SWI5: variants seen among roughly 807,000 people sequenced by gnomAD.
SWI5 encodes DNA repair protein SWI5 homolog.
A neutral mutation model predicts 17.0 loss-of-function variants in SWI5; 12 were observed. The observed-to-expected ratio is 0.71, with a 90% confidence interval of 0.45 to 1.14. The LOEUF (loss-of-function observed/expected upper bound fraction) is 1.14, where lower values mean the gene tolerates loss of function less well. Ranked by LOEUF, SWI5 falls within the 50% of genes most tolerant of loss-of-function variation. SWI5 has a pLI of 0.00. For missense variants in SWI5, 158 were observed against 162.2 expected, an observed-to-expected ratio of 0.97 and a Z score of 0.14; for synonymous variants, 61 against 64.0, an observed-to-expected ratio of 0.95 and a Z score of 0.22.
In SWI5 at chr9:128,276,726, C is replaced by T. The variant is rs1564371916; in HGVS notation, c.82C>T (p.Arg28Ter). 1 of 1,613,434 alleles carries T rather than the reference C, an allele frequency of 6.2e-7. No individual in the cohort carries two copies. The highest frequency in any genetic ancestry group is 2.2e-5 in the East Asian group (1 of 44,830). The change falls in exon 2 of 5, where the codon CGA becomes TGA. Residue 28 changes from arginine to a stop codon, truncating the protein, a stop_gained. Coordinates refer to ENST00000418976, the Ensembl canonical transcript of SWI5. LOFTEE classifies it high-confidence loss of function. ...CTCTAGGACTGAACCAAGACTTACC[C>T]GAAGTTGCCGCGGGGCCTTCCGATC...
chr9:128,277,576 G>A (rs1267486152), intron 2 of SWI5, among the ~76,000 whole-genome samples: 2 of 152,140 alleles, frequency 1.3e-5, no homozygotes, highest in African/African-American at 4.8e-5. Context: ...AAGTTAGATC[G>A]GGAAAGACTT....
chr9:128,280,310 T>C (rs961939360), intron 2 of SWI5, among the ~76,000 whole-genome samples: 1 of 151,870 alleles, frequency 6.6e-6, no homozygotes, highest in African/African-American at 2.4e-5. Context: ...CCCTGACCTT[T>C]CTTGGGACAC....
In SWI5 at chr9:128,286,037, A is replaced by G. The variant is rs762572083; in HGVS notation, c.328+4A>G. On this transcript the variant is annotated splice_donor_region_variant and intron_variant, in intron 4 of 4. Coordinates refer to ENST00000418976, the Ensembl canonical transcript of SWI5. ...CAGATGCTGATGGGCAAACTAGGTG[A>G]GTAGTTGGGACTCCAGAGCCACAAG... 9.3e-6 allele frequency: 15 copies of G among 1,607,606 alleles called. No individual in the cohort carries two copies. The South Asian group carries it at 1.4e-4, about 15-fold the overall frequency.
intron 2 of SWI5, among the ~76,000 whole-genome samples, chr9:128,281,321 T>G (rs533715050): frequency 3.3e-5 from 5 of 151,924 alleles, no homozygotes; most frequent in African/African-American, 4.8e-5. Flanking sequence ...CAGGTGTGAG[T>G]CACTGCACCT....
At position 128,288,750 on chromosome 9, in the gene SWI5, G is replaced by T. The variant is rs761367588; in HGVS notation, c.*34G>T. 4 of 1,610,776 alleles carry T rather than the reference G, an allele frequency of 2.5e-6. 1 individual carries two copies. The South Asian group carries it at 4.4e-5, about 18-fold the overall frequency. The stretch of plus-strand genomic sequence containing the variant: ...ATCGCCCCTTGTCCACAGCTCCCAG[G>T]GACAGAAGGGTGTGGACATGATAAA... On this transcript the variant is annotated 3_prime_UTR_variant, in exon 5 of 5. Coordinates refer to ENST00000418976, the Ensembl canonical transcript of SWI5.
At chr9:128,276,070 C>A (rs1019786672), upstream of SWI5, 1 of 1,576,304 alleles carries the variant, frequency 6.3e-7, no homozygotes, top group South Asian at 1.1e-5. Flanking sequence ...GATACTGGAG[C>A]GCAGAATGGG....
At chr9:128,276,899 C>T (rs1831409034) in intron 2 of SWI5, 144 bp downstream of exon 2, 2 of 842,414 alleles carry the variant, frequency 2.4e-6, no homozygotes, top group Non-Finnish European at 1.8e-6. Flanking sequence ...ACCGCCAGGT[C>T]ATTCCCGAAT....
upstream of SWI5, among the ~76,000 whole-genome samples, chr9:128,275,671 C>CG: frequency 6.6e-6 from 1 of 151,916 alleles, no homozygotes; most frequent in Non-Finnish European, 1.5e-5. Context: ...CGGGGAGCCC[C>CG]GGGAGCACCA....
Position 128,276,614 on chromosome 9 carries a change from T to C in SWI5, c.63-93T>C, listed in dbSNP as rs546614956. On this transcript the variant is annotated intron_variant, in intron 1 of 4. Transcript: ENST00000418976. ...GGATCCAGTCCCTGGCGCTCCTACTTCCCAACTGCTCCTCCTCCCGCATCC... is the reference window on the plus strand; with the variant it reads ...GGATCCAGTCCCTGGCGCTCCTACTCCCCAACTGCTCCTCCTCCCGCATCC... 6 of 1,611,680 alleles carry C rather than the reference T, an allele frequency of 3.7e-6. No homozygotes were observed. In the East Asian group the frequency reaches 1.3e-4, roughly 36 times the overall value.
chr9:128,282,925 C>T (rs1303606827), intron 2 of SWI5, among the ~76,000 whole-genome samples: 8 of 152,374 alleles, frequency 5.3e-5, no homozygotes, highest in African/African-American at 2.4e-5. Flanking sequence ...CGCCTGTAAT[C>T]CCAGCACCTG....
chr9:128,276,473 A>G, intron 1 of SWI5, 71 bp downstream of exon 1: 1 of 1,585,216 alleles, frequency 6.3e-7, no homozygotes, highest in Non-Finnish European at 8.6e-7. Context: ...CTCCCTTCCC[A>G]GAAATCACCT....
chr9:128,279,822 G>A (rs930573564), intron 2 of SWI5, among the ~76,000 whole-genome samples: 1 of 152,168 alleles, frequency 6.6e-6, no homozygotes, highest in Non-Finnish European at 1.5e-5. Flanking sequence ...TTCACGGTCT[G>A]CTAGGTAACG....
At chr9:128,276,524 A>C in intron 1 of SWI5, 122 bp downstream of exon 1, 4 of 1,568,518 alleles carry the variant, frequency 2.6e-6, no homozygotes, top group Non-Finnish European at 3.5e-6. Context: ...CCCCCGTCTC[A>C]GAACGCCCCC....
At chr9:128,282,997 G>T (rs1831567607) in intron 2 of SWI5, among the ~76,000 whole-genome samples, 1 of 151,888 alleles carries the variant, frequency 6.6e-6, no homozygotes, top group South Asian at 2.1e-4. Flanking sequence ...GGCCAACATG[G>T]CAAAAACCCT....
chr9:128,281,339 C>G (rs1831535314), intron 2 of SWI5, among the ~76,000 whole-genome samples: 1 of 151,986 alleles, frequency 6.6e-6, no homozygotes, highest in African/African-American at 2.4e-5. Flanking sequence ...CCTGGCCAAC[C>G]ATGCTTTTTT....
In SWI5 at chr9:128,285,820, TC is replaced by T. The variant is rs1831628591; in HGVS notation, c.234-116del. ...CAGGGCCTATCTTGCTGTCACCATA[TC>T]CCTAGTACCTATCACCGAGTAGGCC... is the stretch of plus-strand genomic sequence containing the variant. On this transcript the variant is annotated intron_variant, in intron 3 of 4. Coordinates refer to ENST00000418976, the Ensembl canonical transcript of SWI5. This position sits in a 1 kb window ranked among gnomAD's most constrained non-coding sequence, Gnocchi z 4.8. 1 of 650,692 alleles carries T rather than the reference TC, an allele frequency of 1.5e-6. No individual in the cohort carries two copies. The highest frequency in any genetic ancestry group is 1.8e-5 in the African/African-American group (1 of 56,104). The allele number at this position is 650,692 out of a possible 1,614,324, so 40.3% of individuals were successfully genotyped here.
At chr9:128,286,639 C>G (rs1330623967) in intron 4 of SWI5, 1 of 152,158 alleles carries the variant, frequency 6.6e-6, no homozygotes, top group Non-Finnish European at 1.5e-5. Flanking sequence ...GGCTGTCTGC[C>G]CAGTTGCTGC....
Position 128,288,648 on chromosome 9 carries a change from T to G in SWI5, c.329-4T>G. The G allele has an allele frequency of 6.2e-7, 1 of 1,614,148 alleles. No individual in the cohort carries two copies. The highest frequency in any genetic ancestry group is 8.5e-7 in the Non-Finnish European group (1 of 1,180,018). Reference sequence around the variant, plus strand: ...CACATTCAGCCTGCCTTCCTTCCTTTCAGCTGTGATCCGAGGTGTCACCAC... The same window carrying G: ...CACATTCAGCCTGCCTTCCTTCCTTGCAGCTGTGATCCGAGGTGTCACCAC... On this transcript the variant is annotated splice_region_variant and splice_polypyrimidine_tract_variant and intron_variant, in intron 4 of 4. Coordinates refer to ENST00000418976, the Ensembl canonical transcript of SWI5.
chr9:128,277,219 C>T (rs1831425298), intron 2 of SWI5, among the ~76,000 whole-genome samples: 2 of 152,176 alleles, frequency 1.3e-5, no homozygotes, highest in African/African-American at 4.8e-5. Context: ...CTCTCATCCC[C>T]CAGATGGAGT....
Sources: gnomAD v4.1 joint callset for allele counts (sites outside exome capture counted in the v4.1 genomes callset) on GRCh38, gnomAD v4.1.1 for gene constraint, Gnocchi (gnomAD v3.1) non-coding constraint, MANE v1.5 for transcripts, NCBI Gene and HGNC (gene_info 2026-07-23, HGNC 2026-07-21) for gene names.